Variants in BST1 observed in about 807,000 individuals in gnomAD.
BST1 encodes bone marrow stromal cell antigen 1, also known as ADP-ribosyl cyclase/cyclic ADP-ribose hydrolase 2.
Under a neutral mutation model 40.6 loss-of-function variants are expected in BST1, and 49 were observed. That is an observed-to-expected ratio of 1.21 (90% CI 0.96 to 1.53). The LOEUF is 1.53. Among genes scored for constraint, BST1 ranks in the 40% most tolerant of loss-of-function variants. The pLI is 0.00. For missense variants in BST1, 423 were observed against 395.9 expected (o/e 1.07, Z -0.58); for synonymous variants, 157 against 159.3 (o/e 0.99, Z 0.11).
chr4:15,745,780 G>T, the BST1 span, among the ~76,000 whole-genome samples: 9 of 152,128 alleles, frequency 5.9e-5, no homozygotes, highest in African/African-American at 1.9e-4. Flanking sequence ...CAGACCACTG[G>T]CTCACTATAA....
At chr4:15,715,647 T>C in intron 5 of BST1, 60 bp from the exon 6 acceptor site, 1 of 1,214,494 alleles carries the variant, frequency 8.2e-7, no homozygotes, top group Non-Finnish European at 1.2e-6. Flanking sequence ...AATGTGTAAA[T>C]TAACAACTGA....
chr4:15,768,261 C>T, the BST1 span, among the ~76,000 whole-genome samples: 1 of 152,140 alleles, frequency 6.6e-6, no homozygotes, highest in East Asian at 1.9e-4. Context: ...ATAAAAATGG[C>T]AGAATTTAAA....
chr4:15,730,929 TAC>T, intron 8 of BST1: 1 of 273,474 alleles, frequency 3.7e-6, no homozygotes, highest in Non-Finnish European at 6.7e-6. Flanking sequence ...TTTTTTTTTA[TAC>T]TGGTAGCAGT....
downstream of BST1, chr4:15,743,294 G>T: frequency 9.9e-6 from 3 of 301,974 alleles, no homozygotes; most frequent in South Asian, 3.8e-5. Flanking sequence ...CAGACATACC[G>T]ACCAAACAGC....
chr4:15,707,747 C>A, intron 3 of BST1, 101 bp downstream of exon 3: 1 of 1,399,722 alleles, frequency 7.1e-7, no homozygotes. Flanking sequence ...TCACTTGATC[C>A]TCTCCAAGTC....
the BST1 span, among the ~76,000 whole-genome samples, chr4:15,758,356 C>T: frequency 6.6e-6 from 1 of 152,126 alleles, no homozygotes; most frequent in African/African-American, 2.4e-5. Context: ...TCCATGTGCA[C>T]TCAATATTTA....
the BST1 span, among the ~76,000 whole-genome samples, chr4:15,762,315 TAC>T: frequency 0.34 from 51,739 of 150,786 alleles, 9,175 homozygotes; most frequent in South Asian, 0.42. Flanking sequence ...CATATATGTA[TAC>T]ACACACACAT....
the BST1 span, among the ~76,000 whole-genome samples, chr4:15,753,853 G>A: frequency 6.6e-6 from 1 of 152,216 alleles, no homozygotes; most frequent in Non-Finnish European, 1.5e-5. Context: ...CAACAGGGAG[G>A]TCATGGGAAT....
chr4:15,730,307 T>A (rs1015407105), intron 8 of BST1, among the ~76,000 whole-genome samples: 5 of 152,264 alleles, frequency 3.3e-5, no homozygotes, highest in Non-Finnish European at 5.9e-5. Flanking sequence ...CAGTAATTTC[T>A]GTTTTTACAA....
At chr4:15,758,095 T>TATAAATTATAGG in the BST1 span, among the ~76,000 whole-genome samples, 1 of 152,334 alleles carries the variant, frequency 6.6e-6, no homozygotes, top group Admixed American at 6.5e-5. Flanking sequence ...GTAGGATAAT[T>TATAAATTATAGG]AAATTAAGCT....
chr4:15,746,966 A>T, the BST1 span, among the ~76,000 whole-genome samples: 11 of 152,180 alleles, frequency 7.2e-5, no homozygotes, highest in African/African-American at 2.4e-4. Flanking sequence ...CCATCAGAAG[A>T]TCTGAGTATT....
chr4:15,703,455 A>T, intron 1 of BST1, 123 bp downstream of exon 1: 1 of 1,370,802 alleles, frequency 7.3e-7, no homozygotes. Context: ...TTGAGGGGAG[A>T]GGTGAGTGTG....
At chr4:15,703,390 TG>T in intron 1 of BST1, 58 bp downstream of exon 1, 1 of 1,337,512 alleles carries the variant, frequency 7.5e-7, no homozygotes, top group Non-Finnish European at 9.5e-7. Context: ...GGGGAGGGCC[TG>T]GGGAGGGGAA....
chr4:15,723,488 T>C (rs945243639), intron 8 of BST1: 1 of 886,022 alleles, frequency 1.1e-6, no homozygotes, highest in Non-Finnish European at 1.4e-6. Flanking sequence ...GGCCTTGTGA[T>C]CCGCCTTCCT....
chr4:15,731,987 A>G lies in BST1; in HGVS notation c.*142A>G, dbSNP rs1721395695. On this transcript the variant is annotated 3_prime_UTR_variant, in exon 9 of 9. Transcript: ENST00000265016. Reference sequence around the variant, plus strand: ...AACGATGTCCTGAAAATGGTATTTCAATGAGGCATATGTTCAGGATTTCAG... The same window carrying G: ...AACGATGTCCTGAAAATGGTATTTCGATGAGGCATATGTTCAGGATTTCAG... 7.2e-7 allele frequency: 1 copy of G among 1,393,340 alleles called. No homozygotes were observed. The highest frequency in any genetic ancestry group is 9.3e-7 in the Non-Finnish European group (1 of 1,070,324). 86.3% of individuals were successfully genotyped at this position (1,393,340 alleles called of 1,614,324 possible).
At chr4:15,744,312 T>G in the BST1 span, among the ~76,000 whole-genome samples, 1 of 152,062 alleles carries the variant, frequency 6.6e-6, no homozygotes, top group Non-Finnish European at 1.5e-5. Context: ...CCCACGTGGT[T>G]GGGGAGGCCT....
chr4:15,766,787 T>TAA, the BST1 span, among the ~76,000 whole-genome samples: 13,730 of 68,194 alleles, frequency 0.2, 1,484 homozygotes, highest in Middle Eastern at 0.34. Context: ...AAGACCTCCC[T>TAA]AAAAAAAAAA....
chr4:15,736,923 C>T (rs1402145478), downstream of BST1, among the ~76,000 whole-genome samples: 1 of 152,098 alleles, frequency 6.6e-6, no homozygotes, highest in East Asian at 1.9e-4. Flanking sequence ...GGGTGAGAAC[C>T]TTGGGTTTGG....
the BST1 span, among the ~76,000 whole-genome samples, chr4:15,770,624 C>T: frequency 1.6e-4 from 24 of 152,098 alleles, no homozygotes; most frequent in East Asian, 3.9e-4. Flanking sequence ...CGCTTGAGCC[C>T]GGGAGGCAGA....
Sources: allele counts gnomAD v4.1 joint callset (sites outside exome capture counted in the v4.1 genomes callset), GRCh38; gene constraint gnomAD v4.1.1; transcripts MANE v1.5; gene names NCBI Gene and HGNC (gene_info 2026-07-23, HGNC 2026-07-21).